CYP7B1: variants seen among roughly 807,000 people sequenced by gnomAD.
CYP7B1 encodes the protein cytochrome P450 7B1.
In CYP7B1, 29 loss-of-function variants were observed where a neutral mutation model predicts 42.7. The observed-to-expected ratio is 0.68, with a 90% CI of 0.51 to 0.93. The LOEUF is 0.93. Ranked by LOEUF, CYP7B1 falls within the 40% of genes least tolerant of loss-of-function variation. CYP7B1 has a pLI of 0.00. For synonymous variants in CYP7B1, 235 were observed against 218.2 expected (o/e 1.08, Z -0.68); for missense variants, 655 against 600.5 (o/e 1.09, Z -0.95).
intron 1 of CYP7B1, among the ~76,000 whole-genome samples, chr8:64,798,121 C>T (rs2129745097): frequency 6.6e-6 from 1 of 152,336 alleles, no homozygotes; most frequent in African/African-American, 2.4e-5. Flanking sequence ...TATTCCCCTC[C>T]TGAAATGCTC....
At chr8:64,731,128 T>C (rs1398657939) in intron 1 of CYP7B1, among the ~76,000 whole-genome samples, 1 of 152,166 alleles carries the variant, frequency 6.6e-6, no homozygotes, top group Non-Finnish European at 1.5e-5. Context: ...GTCTCCGGTA[T>C]GTCTTTATTA....
downstream of CYP7B1, among the ~76,000 whole-genome samples, chr8:64,587,006 A>G (rs35244123): frequency 2.6e-4 from 40 of 152,288 alleles, no homozygotes; most frequent in East Asian, 7.4e-3. Flanking sequence ...TTACGGTGAG[A>G]GTCTTTTTTG....
chr8:64,686,109 T>G (rs1585855341), intron 1 of CYP7B1, among the ~76,000 whole-genome samples: 2 of 81,502 alleles, frequency 2.5e-5, no homozygotes, highest in Non-Finnish European at 5.0e-5. Flanking sequence ...GGTGGGGGGG[T>G]CAGCCCTCCG....
intron 1 of CYP7B1, among the ~76,000 whole-genome samples, chr8:64,686,236 T>G (rs1442386538): frequency 7.1e-5 from 2 of 28,270 alleles, no homozygotes; most frequent in African/African-American, 2.4e-4. Context: ...GGTGGGGGGG[T>G]CGGCCCCCCG....
In CYP7B1 at chr8:64,771,047, C is replaced by CTTTTTTTTTTTTTT. The variant is rs757503820; in HGVS notation, c.122+27405_122+27418dup. Among the ~76,000 whole-genome samples, 13 of 42,484 alleles carry CTTTTTTTTTTTTTT rather than the reference C, an allele frequency of 3.1e-4. 4 individuals are homozygous for CTTTTTTTTTTTTTT. Among genetic ancestry groups the CTTTTTTTTTTTTTT allele is most frequent in the African/African-American group, 5.0e-4 (6 of 12,006 alleles). The allele number at this position is 42,484 out of a possible 152,430, so 27.9% of individuals were successfully genotyped here. A position where few individuals can be genotyped will look rare whatever the true frequency, so the allele number is the denominator to read the frequency against. ...AATCTCAAGAGTGGGATATCAGCATCTTTTTTTTTTTTTTTTTTTTTTTTT... is the reference window on the plus strand; with the variant it reads ...AATCTCAAGAGTGGGATATCAGCATCTTTTTTTTTTTTTTTTTTTTTTTTTTTTTTTTTTTTTTT... On this transcript the variant is annotated intron_variant, in intron 1 of 5. Coordinates refer to ENST00000310193, the MANE Select transcript of CYP7B1 (RefSeq NM_004820.5).
intron 1 of CYP7B1, among the ~76,000 whole-genome samples, chr8:64,711,367 C>T (rs919627318): frequency 3.9e-5 from 6 of 152,164 alleles, no homozygotes; most frequent in African/African-American, 1.4e-4. Context: ...GCTTGGTGGC[C>T]TCACTGCCTG....
Position 64,755,779 on chromosome 8 carries a change from A to C in CYP7B1, c.122+42687T>G, listed in dbSNP as rs193076738. ...CACATATTTCTCATTGATGAAATTT[A>C]AAATATAAGAATAATTTAGTACAAT... On this transcript the variant is annotated intron_variant, in intron 1 of 5. Coordinates refer to ENST00000310193, the MANE Select transcript of CYP7B1 (RefSeq NM_004820.5). 1.6e-4 allele frequency among the ~76,000 whole-genome samples: 25 copies of C among 152,348 alleles called. No individual in the cohort carries two copies. The East Asian group carries it at 4.6e-3, about 28-fold the overall frequency.
intron 1 of CYP7B1, among the ~76,000 whole-genome samples, chr8:64,745,295 G>C (rs1807627881): frequency 6.6e-6 from 1 of 152,136 alleles, no homozygotes; most frequent in Non-Finnish European, 1.5e-5. Context: ...GCAATATCAA[G>C]ATTGTTTCTA....
intron 1 of CYP7B1, among the ~76,000 whole-genome samples, chr8:64,786,327 A>C (rs1314061454): frequency 6.6e-6 from 1 of 152,244 alleles, no homozygotes; most frequent in Admixed American, 6.5e-5. Context: ...GTAAAATTAA[A>C]AGCAAGTTAG....
intron 1 of CYP7B1, among the ~76,000 whole-genome samples, chr8:64,724,001 G>A (rs1219153404): frequency 6.6e-6 from 1 of 152,030 alleles, no homozygotes; most frequent in Non-Finnish European, 1.5e-5. Context: ...ATACATGGGT[G>A]TATAAACAAA....
At chr8:64,639,946 G>A (rs1805828710) in intron 1 of CYP7B1, among the ~76,000 whole-genome samples, 3 of 151,956 alleles carry the variant, frequency 2.0e-5, no homozygotes, top group Admixed American at 2.0e-4. Context: ...TAAAAGAAAT[G>A]AACTGGAAAA....
At chr8:64,713,126 T>A (rs1328651922) in intron 1 of CYP7B1, among the ~76,000 whole-genome samples, 1 of 152,154 alleles carries the variant, frequency 6.6e-6, no homozygotes, top group African/African-American at 2.4e-5. Context: ...ATAAGTAGCA[T>A]CATCAAACAA....
intron 2 of CYP7B1, among the ~76,000 whole-genome samples, chr8:64,618,195 GA>G (rs1458348247): frequency 2.0e-5 from 3 of 151,022 alleles, no homozygotes; most frequent in Non-Finnish European, 4.4e-5. Context: ...TCAAATAATT[GA>G]AAAAAATCAA....
At chr8:64,702,644 G>A (rs1384316567) in intron 1 of CYP7B1, among the ~76,000 whole-genome samples, 5 of 152,082 alleles carry the variant, frequency 3.3e-5, no homozygotes. Context: ...ACAAACAAGT[G>A]ACCTTGACTG....
chr8:64,720,571 T>A (rs1807221224), intron 1 of CYP7B1, among the ~76,000 whole-genome samples: 1 of 152,148 alleles, frequency 6.6e-6, no homozygotes, highest in Middle Eastern at 3.2e-3. Context: ...TGCAAAAACA[T>A]CCACTAATGG....
intron 1 of CYP7B1, among the ~76,000 whole-genome samples, chr8:64,773,473 C>T (rs1362795605): frequency 6.6e-6 from 1 of 152,170 alleles, no homozygotes; most frequent in African/African-American, 2.4e-5. Flanking sequence ...CTTCAGCTTT[C>T]CAATGTGCAT....
intron 1 of CYP7B1, among the ~76,000 whole-genome samples, chr8:64,726,010 G>C (rs1429288425): frequency 6.6e-6 from 1 of 152,088 alleles, no homozygotes; most frequent in African/African-American, 2.4e-5. Flanking sequence ...TCTGTTTCAT[G>C]GATATCTTGT....
intron 1 of CYP7B1, chr8:64,734,533 T>A (rs2129633156): frequency 6.6e-6 from 1 of 152,290 alleles, no homozygotes; most frequent in East Asian, 1.9e-4. Context: ...GATGGCATAA[T>A]CCTCATGACT....
At chr8:64,657,657 C>A (rs900427917) in intron 1 of CYP7B1, among the ~76,000 whole-genome samples, 1 of 152,188 alleles carries the variant, frequency 6.6e-6, no homozygotes, top group Admixed American at 6.5e-5. Context: ...TTTTAAAAAT[C>A]CGTATTCACT....
Sources: gnomAD v4.1 joint callset for allele counts (sites outside exome capture counted in the v4.1 genomes callset) on GRCh38, gnomAD v4.1.1 for gene constraint, MANE v1.5 for transcripts, NCBI Gene and HGNC (gene_info 2026-07-23, HGNC 2026-07-21) for gene names.